MGAT4C: variants seen among roughly 807,000 people sequenced by gnomAD.
MGAT4C encodes alpha-1,3-mannosyl-glycoprotein 4-beta-N-acetylglucosaminyltransferase C.
MGAT4C carries 19 observed loss-of-function variants against 40.1 expected under a neutral mutation model. That is an observed-to-expected ratio of 0.47 (90% CI 0.33 to 0.70). The LOEUF is 0.70. Among genes scored for constraint, MGAT4C ranks in the 30% least tolerant of loss-of-function variants. The pLI is 0.02. For synonymous variants in MGAT4C, 181 were observed against 187.1 expected (o/e 0.97, Z 0.27); for missense variants, 491 against 563.2 (o/e 0.87, Z 1.30).
chr12:86,234,220 T>C (rs1174451926), intron 1 of MGAT4C, among the ~76,000 whole-genome samples: 2 of 152,176 alleles, frequency 1.3e-5, no homozygotes, highest in Admixed American at 1.3e-4. Flanking sequence ...GATAATAAGA[T>C]ATTTAAATTG....
chr12:86,679,750 T>A (rs1753054474), intron 2 of MGAT4C, among the ~76,000 whole-genome samples: 2 of 152,096 alleles, frequency 1.3e-5, no homozygotes. Flanking sequence ...GTGGAACCTC[T>A]AAAGATGTCA....
chr12:86,735,591 A>G (rs988526518), intron 1 of MGAT4C, among the ~76,000 whole-genome samples: 1 of 151,920 alleles, frequency 6.6e-6, no homozygotes, highest in African/African-American at 2.4e-5. Context: ...ACATGGAAAA[A>G]TGTGTCATTT....
At chr12:86,506,142 T>C (rs1209313876) in intron 2 of MGAT4C, among the ~76,000 whole-genome samples, 3 of 152,146 alleles carry the variant, frequency 2.0e-5, no homozygotes, top group African/African-American at 7.2e-5. Context: ...ACTGTTTCTG[T>C]GGGAAATCTC....
chr12:86,070,857 C>A (rs1868346902), intron 1 of MGAT4C, among the ~76,000 whole-genome samples: 1 of 151,904 alleles, frequency 6.6e-6, no homozygotes, highest in Non-Finnish European at 1.5e-5. Flanking sequence ...TTTGACCAAG[C>A]AAGAAGCAAA....
At chr12:86,585,743 TTTAA>T (rs1404278418) in intron 2 of MGAT4C, among the ~76,000 whole-genome samples, 7 of 150,084 alleles carry the variant, frequency 4.7e-5, no homozygotes, top group Admixed American at 3.3e-4. Context: ...TAATTTTTTT[TTTAA>T]TTTTTCTTTT....
chr12:86,703,735 ACCCACATTATCTCCTATGTATG>A lies in MGAT4C; in HGVS notation c.-229+23452_-229+23473del, dbSNP rs560682693. 3.3e-3 allele frequency among the ~76,000 whole-genome samples: 496 copies of A among 152,304 alleles called. 3 individuals are homozygous for A. The highest frequency in any genetic ancestry group is 0.011 in the African/African-American group (474 of 41,582). ...CTTTATTGTTGTTGTCTGGAGCCTA[ACCCACATTATCTCCTATGTATG>A]CCTCTACTTAAAATTTCAAAGACAA... On this transcript the variant is annotated intron_variant, in intron 2 of 7. Transcript: ENST00000548651.
intron 2 of MGAT4C, among the ~76,000 whole-genome samples, chr12:86,487,737 A>T (rs998490103): frequency 6.6e-6 from 1 of 152,212 alleles, no homozygotes; most frequent in Non-Finnish European, 1.5e-5. Flanking sequence ...TTAAGCTTCC[A>T]ATTTTATTCT....
intron 2 of MGAT4C, among the ~76,000 whole-genome samples, chr12:85,990,229 T>C (rs368114261): frequency 7.9e-4 from 120 of 152,212 alleles, no homozygotes; most frequent in African/African-American, 2.7e-3. Context: ...ATTCATGTAC[T>C]ACACAAAGGC....
intron 1 of MGAT4C, among the ~76,000 whole-genome samples, chr12:86,135,957 G>A (rs1426991465): frequency 6.6e-6 from 1 of 152,124 alleles, no homozygotes; most frequent in African/African-American, 2.4e-5. Flanking sequence ...GGAAAGATAA[G>A]AGAAGAAAAT....
chr12:86,724,581 T>G (rs1169292600), intron 2 of MGAT4C, among the ~76,000 whole-genome samples: 2 of 152,226 alleles, frequency 1.3e-5, no homozygotes, highest in African/African-American at 4.8e-5. Flanking sequence ...CCTGAGCTTC[T>G]ACATAATAGA....
At chr12:86,821,464 T>C (rs1952705557) in intron 1 of MGAT4C, among the ~76,000 whole-genome samples, 1 of 151,006 alleles carries the variant, frequency 6.6e-6, no homozygotes, top group South Asian at 2.1e-4. Flanking sequence ...GGTAATTGGA[T>C]ATCCATCACC....
At position 86,502,542 on chromosome 12, in the gene MGAT4C, G is replaced by T. The variant is rs149890664; in HGVS notation, c.-228-67277C>A. ...GCATATTAGTATTGATTCATCCATT[G>T]TAACAAGCATATGACATATTACTAG... On this transcript the variant is annotated intron_variant, in intron 2 of 7. Coordinates refer to the MGAT4C transcript ENST00000548651. Among the ~76,000 whole-genome samples, 236 of 151,548 alleles carry T rather than the reference G, an allele frequency of 1.6e-3. 1 individual carries two copies. Among genetic ancestry groups the T allele is most frequent in the African/African-American group, 5.5e-3 (227 of 41,386 alleles).
chr12:86,412,566 C>T (rs1434926910), intron 3 of MGAT4C, among the ~76,000 whole-genome samples: 1 of 152,134 alleles, frequency 6.6e-6, no homozygotes, highest in African/African-American at 2.4e-5. Flanking sequence ...TTAACCAATG[C>T]CTGTACCCAC....
chr12:86,136,710 T>C (rs927778906), intron 1 of MGAT4C, among the ~76,000 whole-genome samples: 6 of 152,292 alleles, frequency 3.9e-5, no homozygotes, highest in African/African-American at 1.4e-4. Context: ...TTTTTTGAGA[T>C]GGAGTTTTGC....
chr12:86,686,089 C>A (rs1294667924), intron 2 of MGAT4C, among the ~76,000 whole-genome samples: 2 of 151,268 alleles, frequency 1.3e-5, no homozygotes, highest in Non-Finnish European at 1.5e-5. Context: ...CCGTGTTAGT[C>A]AGGATGGTCT....
intron 2 of MGAT4C, among the ~76,000 whole-genome samples, chr12:86,707,747 T>G (rs888269834): frequency 6.6e-6 from 1 of 151,998 alleles, no homozygotes; most frequent in East Asian, 1.9e-4. Context: ...CCCAGGCTGG[T>G]CTTAAACTCC....
intron 2 of MGAT4C, 95 bp from the exon 3 acceptor site, chr12:85,989,647 T>C: frequency 8.6e-7 from 1 of 1,157,408 alleles, no homozygotes; most frequent in Admixed American, 2.9e-5. Context: ...TAAAATTTCA[T>C]CTTTCAAATG....
At chr12:86,368,591 TTTTG>T (rs149269727) in intron 3 of MGAT4C, among the ~76,000 whole-genome samples, 4,390 of 152,134 alleles carry the variant, frequency 0.029, 88 homozygotes, top group Middle Eastern at 0.078. Flanking sequence ...TGTTGCATTT[TTTTG>T]TTTGTTTCTA....
intron 1 of MGAT4C, among the ~76,000 whole-genome samples, chr12:86,174,855 A>C (rs915383251): frequency 6.6e-6 from 1 of 152,168 alleles, no homozygotes; most frequent in African/African-American, 2.4e-5. Context: ...CTTAGAACTC[A>C]CATTAGTTCA....
Sources: gnomAD v4.1 joint callset for allele counts (sites outside exome capture counted in the v4.1 genomes callset) on GRCh38, gnomAD v4.1.1 for gene constraint, MANE v1.5 for transcripts, NCBI Gene and HGNC (gene_info 2026-07-23, HGNC 2026-07-21) for gene names.